The following SLC38A1 variants were observed in gnomAD, a reference collection of about 807,000 sequenced individuals.
SLC38A1 encodes the protein solute carrier family 38 member 1, also known as sodium-coupled neutral amino acid symporter 1.
Under a neutral mutation model 60.3 loss-of-function variants are expected in SLC38A1, and 18 were observed. The observed-to-expected ratio is 0.30, with a 90% confidence interval of 0.21 to 0.44. The LOEUF is 0.44. SLC38A1 is among the 20% of genes least tolerant of loss of function. SLC38A1 has a pLI of 1.00. For missense variants in SLC38A1, 448 were observed against 587.2 expected, an observed-to-expected ratio of 0.76 and a Z score of 2.45; for synonymous variants, 196 against 212.1, an observed-to-expected ratio of 0.92 and a Z score of 0.66.
intron 16 of SLC38A1, 43 bp from the exon 17 acceptor site, chr12:46,189,114 AT>A: frequency 6.7e-7 from 1 of 1,493,990 alleles, no homozygotes. Flanking sequence ...GTGCAGCAAA[AT>A]TTTTCCACAT....
At chr12:46,230,796 C>T (rs1212406844) in intron 3 of SLC38A1, among the ~76,000 whole-genome samples, 1 of 152,136 alleles carries the variant, frequency 6.6e-6, no homozygotes, top group Admixed American at 6.5e-5. Flanking sequence ...AAAACTCCAA[C>T]AGCAGATGTT....
intron 1 of SLC38A1, among the ~76,000 whole-genome samples, chr12:46,263,570 AAC>A (rs1476740006): frequency 4.6e-5 from 7 of 152,154 alleles, no homozygotes; most frequent in African/African-American, 1.7e-4. Flanking sequence ...CAATAAATTA[AAC>A]ACAGTGTTTT....
chr12:46,227,455 C>G (rs1940910727), intron 5 of SLC38A1, among the ~76,000 whole-genome samples: 1 of 152,052 alleles, frequency 6.6e-6, no homozygotes, highest in African/African-American at 2.4e-5. Context: ...ATCTGTGAAA[C>G]AGGAAATTAA....
chr12:46,208,951 T>C, intron 6 of SLC38A1, 103 bp downstream of exon 6: 3 of 811,482 alleles, frequency 3.7e-6, no homozygotes, highest in Non-Finnish European at 6.1e-6. Flanking sequence ...TCTTTCTTTT[T>C]AATAATCAAA....
In SLC38A1 at chr12:46,213,695, G is replaced by A. The variant is rs966960348; in HGVS notation, c.315-4568C>T. 1.4e-4 allele frequency among the ~76,000 whole-genome samples: 21 copies of A among 152,252 alleles called. No individual in the cohort carries two copies. In the South Asian group the frequency reaches 1.5e-3, roughly 11 times the overall value. ...CATCTCCACTCTAGTGTGAGCCATC[G>A]TCCTTAATTTCTGGATAACTGTGAT... On this transcript the variant is annotated intron_variant, in intron 5 of 16. Transcript: ENST00000398637.
chr12:46,207,439 A>T (rs974747604), intron 7 of SLC38A1, 90 bp downstream of exon 7: 25 of 1,306,462 alleles, frequency 1.9e-5, no homozygotes, highest in Non-Finnish European at 2.4e-5. Flanking sequence ...AATGAGGATG[A>T]TAACTGCTTG....
intron 1 of SLC38A1, among the ~76,000 whole-genome samples, chr12:46,253,086 C>G (rs764141252): frequency 6.6e-6 from 1 of 150,394 alleles, no homozygotes; most frequent in Non-Finnish European, 1.5e-5. Context: ...AGATGTAGGT[C>G]AAAGGATATG....
chr12:46,210,120 C>T (rs570872904), intron 5 of SLC38A1, among the ~76,000 whole-genome samples: 3 of 152,306 alleles, frequency 2.0e-5, no homozygotes, highest in African/African-American at 7.2e-5. Context: ...TGGGCTGCTT[C>T]CTCCTGGCCC....
chr12:46,265,022 G>C (rs917675081), intron 1 of SLC38A1, among the ~76,000 whole-genome samples: 4 of 152,176 alleles, frequency 2.6e-5, no homozygotes, highest in African/African-American at 7.2e-5. Flanking sequence ...CAGAGGTAAA[G>C]GGAACTTTAC....
rs2136807060 is a variant in SLC38A1, at chr12:46,186,825, A to C, written c.*2145T>G. ...CTTTGTGAGGGTAAAATGAATTGCTATAAAGTAACAAGGAAAATAGAAAGT... is the reference window on the plus strand; with the variant it reads ...CTTTGTGAGGGTAAAATGAATTGCTCTAAAGTAACAAGGAAAATAGAAAGT... On this transcript the variant is annotated 3_prime_UTR_variant, in exon 17 of 17. Coordinates refer to ENST00000398637, the MANE Select transcript of SLC38A1 (RefSeq NM_030674.4). 1 of 152,336 alleles carries C rather than the reference A, an allele frequency of 6.6e-6. No homozygotes were observed. Among genetic ancestry groups the C allele is most frequent in the East Asian group, 1.9e-4 (1 of 5,184 alleles). 9.4% of individuals were successfully genotyped at this position (152,336 alleles called of 1,614,324 possible).
In SLC38A1 at chr12:46,183,586, A is replaced by C. The variant is rs1300511188; in HGVS notation, c.*5384T>G. On this transcript the variant is annotated 3_prime_UTR_variant, in exon 17 of 17. Transcript: ENST00000398637. Reference sequence around the variant, plus strand: ...TTGTGAAAAAAACATTCTTCTCCCCAGCTTCTGTTTTCATATGTACTGTGT... The same window carrying C: ...TTGTGAAAAAAACATTCTTCTCCCCCGCTTCTGTTTTCATATGTACTGTGT... The C allele has an allele frequency of 6.6e-6, 1 of 152,208 alleles. No homozygotes were observed. Among genetic ancestry groups the C allele is most frequent in the African/African-American group, 2.4e-5 (1 of 41,454 alleles). 9.4% of individuals were successfully genotyped at this position (152,208 alleles called of 1,614,324 possible).
chr12:46,232,578 T>C (rs921075459), intron 3 of SLC38A1, among the ~76,000 whole-genome samples: 1 of 152,234 alleles, frequency 6.6e-6, no homozygotes, highest in African/African-American at 2.4e-5. Flanking sequence ...CAGCCTTCCC[T>C]TTCACACAGG....
intron 9 of SLC38A1, among the ~76,000 whole-genome samples, chr12:46,205,296 T>TA (rs1939843880): frequency 6.6e-6 from 1 of 152,200 alleles, no homozygotes; most frequent in Admixed American, 6.5e-5. Flanking sequence ...ATTAAGTAGT[T>TA]AAAAAAATCT....
intron 1 of SLC38A1, among the ~76,000 whole-genome samples, chr12:46,263,198 A>T (rs953507894): frequency 6.6e-6 from 1 of 152,224 alleles, no homozygotes; most frequent in Non-Finnish European, 1.5e-5. Flanking sequence ...AACGCTCTCC[A>T]GAGGAGAGCA....
chr12:46,228,272 T>C (rs1247059269), intron 5 of SLC38A1, among the ~76,000 whole-genome samples: 3 of 152,232 alleles, frequency 2.0e-5, no homozygotes, highest in Non-Finnish European at 4.4e-5. Flanking sequence ...AATATTCTTT[T>C]ATCTCAGTTT....
At chr12:46,209,977 C>T (rs1373873790) in intron 5 of SLC38A1, among the ~76,000 whole-genome samples, 2 of 152,202 alleles carry the variant, frequency 1.3e-5, no homozygotes, top group African/African-American at 2.4e-5. Flanking sequence ...CCGCTCACTT[C>T]CTGATGTGGG....
chr12:46,267,306 G>C (rs1298936465), intron 1 of SLC38A1: 1 of 152,194 alleles, frequency 6.6e-6, no homozygotes, highest in Admixed American at 6.5e-5. Context: ...TGATCCTGGC[G>C]GCAGTTAGGT....
At chr12:46,200,531 A>G (rs76614977) in intron 13 of SLC38A1, among the ~76,000 whole-genome samples, 1,527 of 152,218 alleles carry the variant, frequency 0.01, 24 homozygotes, top group African/African-American at 0.034. Flanking sequence ...AGAAGCAGTA[A>G]ACGCCGGTAA....
At chr12:46,244,890 AT>A (rs559741817) in intron 1 of SLC38A1, among the ~76,000 whole-genome samples, 169 of 152,176 alleles carry the variant, frequency 1.1e-3, no homozygotes, top group African/African-American at 3.7e-3. Flanking sequence ...CTCCCTTAAA[AT>A]TTTTTTTATT....
Sources: allele counts gnomAD v4.1 joint callset (sites outside exome capture counted in the v4.1 genomes callset), GRCh38; gene constraint gnomAD v4.1.1; transcripts MANE v1.5; gene names NCBI Gene and HGNC (gene_info 2026-07-23, HGNC 2026-07-21).